The following PHLPP2 variants were observed in gnomAD, a reference collection of about 807,000 sequenced individuals.
PHLPP2 encodes the protein PH domain and leucine rich repeat protein phosphatase 2, also known as PH domain leucine-rich repeat-containing protein phosphatase 2.
In PHLPP2, 66 loss-of-function variants were observed where a neutral mutation model predicts 124.9. That is an observed-to-expected ratio of 0.53 (90% CI 0.43 to 0.65). The LOEUF (loss-of-function observed/expected upper bound fraction) is 0.65, where lower values mean the gene tolerates loss of function less well. Ranked by LOEUF, PHLPP2 falls within the 30% of genes least tolerant of loss-of-function variation. The pLI is 0.00. For synonymous variants in PHLPP2, 681 were observed against 624.7 expected (o/e 1.09, Z -1.34); for missense variants, 1,685 against 1,600.4 (o/e 1.05, Z -0.90).
At chr16:71,693,783 C>T (rs1275586233) in intron 3 of PHLPP2, among the ~76,000 whole-genome samples, 1 of 152,202 alleles carries the variant, frequency 6.6e-6, no homozygotes, top group Non-Finnish European at 1.5e-5. Context: ...AAAGAACCAA[C>T]TCAAATACAA....
chr16:71,662,401 G>A (rs2044800008), intron 13 of PHLPP2, among the ~76,000 whole-genome samples: 1 of 151,778 alleles, frequency 6.6e-6, no homozygotes, highest in African/African-American at 2.4e-5. Flanking sequence ...CAGCACTCCA[G>A]CCTGGCCAAC....
chr16:71,702,591 T>C lies in PHLPP2; in HGVS notation c.418+7A>G, dbSNP rs944110975. On this transcript the variant is annotated splice_region_variant and intron_variant, in intron 3 of 18. Coordinates refer to ENST00000568954, the MANE Select transcript of PHLPP2 (RefSeq NM_015020.3). ...GTTAACATACAAAGCCACTGATAAA[T>C]TCTTACCACCATAAAATCGAATCAT... 1.1e-5 allele frequency: 17 copies of C among 1,608,020 alleles called. No homozygotes were observed. Among genetic ancestry groups the C allele is most frequent in the African/African-American group, 1.3e-5 (1 of 74,746 alleles).
chr16:71,686,361 C>T (rs2045055081), intron 4 of PHLPP2, among the ~76,000 whole-genome samples: 2 of 152,140 alleles, frequency 1.3e-5, no homozygotes, highest in Middle Eastern at 3.4e-3. Context: ...TTTGTAGAGA[C>T]AGAGTCCCAT....
chr16:71,649,745 G>C lies in PHLPP2; in HGVS notation c.3117C>G (p.Gly1039=), dbSNP rs368234798. ...MVVYLNIGEE[G]CTCEMNGLTL... ...TGAGCCCATTCATTTCACAAGTGCA[G>C]CCTTCCTCACCAATATTCAAATAAA... The change falls in exon 19 of 19, where the codon GGC becomes GGG. Residue 1039 remains glycine (G), a synonymous_variant. Transcript: ENST00000568954. The C allele has an allele frequency of 5.6e-6, 9 of 1,614,104 alleles. No homozygotes were observed. In the African/African-American group the frequency reaches 1.2e-4, roughly 22 times the overall value.
At chr16:71,671,504 C>T (rs1315536404) in intron 10 of PHLPP2, among the ~76,000 whole-genome samples, 1 of 151,702 alleles carries the variant, frequency 6.6e-6, no homozygotes, top group African/African-American at 2.4e-5. Flanking sequence ...CCCAGAATGC[C>T]CAACAGTGGT....
chr16:71,663,550 T>A (rs1213069894), intron 13 of PHLPP2, among the ~76,000 whole-genome samples: 2 of 152,210 alleles, frequency 1.3e-5, no homozygotes, highest in African/African-American at 2.4e-5. Context: ...ATTTTTGTAT[T>A]ATGAATAAAT....
chr16:71,721,770 C>A (rs367768615), intron 1 of PHLPP2, among the ~76,000 whole-genome samples: 2 of 151,530 alleles, frequency 1.3e-5, no homozygotes, highest in Non-Finnish European at 2.9e-5. Context: ...TAAAAAAAAA[C>A]CATAAACCCC....
chr16:71,687,556 A>C (rs189048286), intron 4 of PHLPP2, among the ~76,000 whole-genome samples: 2 of 152,274 alleles, frequency 1.3e-5, no homozygotes, highest in Non-Finnish European at 2.9e-5. Flanking sequence ...AATTTGTGAA[A>C]ATTTAACATG....
intron 1 of PHLPP2, chr16:71,723,617 GGCCGACTGACTGACGCCGGGCGGGGGCC>G: frequency 3.1e-6 from 1 of 323,524 alleles, no homozygotes; most frequent in Non-Finnish European, 5.3e-6. Context: ...GGTGTGGGGC[GGCCGACTGACTGACGCCGGGCGGGGGCC>G]GCCGACTGCC....
chr16:71,662,649 TCATTGCCTCA>T (rs1458647201), intron 13 of PHLPP2, among the ~76,000 whole-genome samples: 1 of 152,192 alleles, frequency 6.6e-6, no homozygotes, highest in Non-Finnish European at 1.5e-5. Flanking sequence ...ATATCAAATG[TCATTGCCTCA>T]CATTCTTAGT....
rs762340387 is a variant in PHLPP2, at chr16:71,714,531, G to A, written c.265C>T (p.Leu89Phe). 2.5e-6 allele frequency: 4 copies of A among 1,611,308 alleles called. No individual in the cohort carries two copies. The highest frequency in any genetic ancestry group is 1.6e-4 in the Middle Eastern group (1 of 6,066). ...GEGRESLYLQLHGDLVRRLEP... is the reference protein window; with the variant it reads ...GEGRESLYLQFHGDLVRRLEP... ...CCTCACCTGACCAGGTCTCCATGAA[G>A]CTGTAAATAAAGACTTTCTCTTCCC... Residue 89 changes from leucine (L) to phenylalanine (F), a missense_variant, in exon 2 of 19, where the codon CTT becomes TTT. Physicochemically the swap from Leu to Phe is conservative, Grantham distance 22. Transcript: ENST00000568954.
intron 15 of PHLPP2, 150 bp from the exon 16 acceptor site, chr16:71,656,831 A>ACTG: frequency 1.9e-6 from 1 of 529,682 alleles, no homozygotes; most frequent in East Asian, 3.5e-5. Context: ...GCTCACTGCA[A>ACTG]CTGCTGCCTC....
chr16:71,668,310 G>A (rs574600218), intron 11 of PHLPP2, among the ~76,000 whole-genome samples: 4 of 151,272 alleles, frequency 2.6e-5, no homozygotes, highest in Non-Finnish European at 4.4e-5. Context: ...CAGCTACTCC[G>A]GAAGCTGAGG....
At chr16:71,714,415 G>C (rs1173907206) in intron 2 of PHLPP2, 97 bp downstream of exon 2, 5 of 1,415,256 alleles carry the variant, frequency 3.5e-6, no homozygotes, top group Admixed American at 2.9e-5. Context: ...ATCAACATCA[G>C]TTCCGGCAGA....
In PHLPP2 at chr16:71,649,813, C is replaced by T. The variant is rs750796940; in HGVS notation, c.3049G>A (p.Ala1017Thr). The change falls in exon 19 of 19, where the codon GCG (alanine) becomes ACG (threonine). Residue 1017 changes from alanine (A) to threonine (T), a missense_variant. Transcript: ENST00000568954. ...TTGTCCTGACAGCCATAGCTCTGCG[C>T]TAATGTGCACAGCTTCTTAGCAGCT... Reference protein sequence around the residue: ...LAAAKKLCTLAQSYGCQDNVG... With the variant: ...LAAAKKLCTLTQSYGCQDNVG... 7.1e-5 allele frequency: 114 copies of T among 1,614,150 alleles called. 1 individual carries two copies. The Admixed American group carries it at 1.8e-3, about 26-fold the overall frequency.
intron 11 of PHLPP2, among the ~76,000 whole-genome samples, chr16:71,668,577 T>C (rs1209979611): frequency 6.6e-6 from 1 of 151,792 alleles, no homozygotes; most frequent in Non-Finnish European, 1.5e-5. Flanking sequence ...GTGTGGCCAA[T>C]ATAGCAAAGC....
In PHLPP2 at chr16:71,672,267, G is replaced by A. The variant is rs372303337; in HGVS notation, c.1527C>T (p.Leu509=). The A allele has an allele frequency of 5.0e-5, 80 of 1,612,334 alleles. No homozygotes were observed. In the East Asian group the frequency reaches 1.3e-3, roughly 26 times the overall value. ...PVPSLLTFLD[L]SRNLLECVPD... ...CCCTCATGAAAGACACTCACCGGGA[G>A]AGATCCAAGAAAGTGAGCAGGCTGG... Residue 509 remains leucine (L), a synonymous_variant, in exon 10 of 19, where the codon CTC becomes CTT. Coordinates refer to ENST00000568954, the MANE Select transcript of PHLPP2 (RefSeq NM_015020.3).
intron 14 of PHLPP2, 121 bp downstream of exon 14, chr16:71,658,532 T>G: frequency 8.0e-7 from 1 of 1,250,270 alleles, no homozygotes. Flanking sequence ...ACAATAATAT[T>G]TTTCCTTATA....
chr16:71,705,357 C>G (rs2045266001), intron 2 of PHLPP2, among the ~76,000 whole-genome samples: 1 of 152,150 alleles, frequency 6.6e-6, no homozygotes, highest in Non-Finnish European at 1.5e-5. Flanking sequence ...CAGGCTAAAT[C>G]TCGAGTGCTC....
Sources: gnomAD v4.1 joint callset for allele counts (sites outside exome capture counted in the v4.1 genomes callset) on GRCh38, gnomAD v4.1.1 for gene constraint, MANE v1.5 for transcripts, NCBI Gene and HGNC (gene_info 2026-07-23, HGNC 2026-07-21) for gene names.